Variants in KCNIP1 observed in about 807,000 individuals in gnomAD.
KCNIP1 encodes the protein potassium voltage-gated channel interacting protein 1, also known as A-type potassium channel modulatory protein KCNIP1.
KCNIP1 carries 18 observed loss-of-function variants against 33.0 expected under a neutral mutation model. The observed-to-expected ratio is 0.55, with a 90% CI of 0.38 to 0.81. KCNIP1 has a LOEUF of 0.81. Ranked by LOEUF, KCNIP1 falls within the 30% of genes least tolerant of loss-of-function variation. KCNIP1 has a pLI of 0.00. For missense variants in KCNIP1, 238 were observed against 271.6 expected (o/e 0.88, Z 0.87); for synonymous variants, 93 against 98.3 (o/e 0.95, Z 0.32).
At chr5:170,650,184 CA>C (rs779853926) in intron 1 of KCNIP1, among the ~76,000 whole-genome samples, 2 of 152,042 alleles carry the variant, frequency 1.3e-5, no homozygotes, top group Non-Finnish European at 2.9e-5. Flanking sequence ...AATTGAAATA[CA>C]AAAAAATTGT....
chr5:170,412,872 G>A (rs767280198), intron 1 of KCNIP1, among the ~76,000 whole-genome samples: 3 of 151,934 alleles, frequency 2.0e-5, no homozygotes, highest in Non-Finnish European at 1.5e-5. Flanking sequence ...ATTTTCTTCT[G>A]TAGCCCCACC....
At chr5:170,558,798 A>C (rs963913167) in intron 1 of KCNIP1, among the ~76,000 whole-genome samples, 1 of 152,226 alleles carries the variant, frequency 6.6e-6, no homozygotes, top group Admixed American at 6.5e-5. Flanking sequence ...TGACACAGAA[A>C]TCTAATACAA....
intron 1 of KCNIP1, among the ~76,000 whole-genome samples, chr5:170,647,555 A>T (rs1407569663): frequency 1.3e-5 from 2 of 152,060 alleles, no homozygotes; most frequent in African/African-American, 4.8e-5. Flanking sequence ...CAGTGCTAGA[A>T]CAACTGGCCA....
At chr5:170,603,343 A>T (rs1758773514) in intron 1 of KCNIP1, among the ~76,000 whole-genome samples, 1 of 152,076 alleles carries the variant, frequency 6.6e-6, no homozygotes, top group Non-Finnish European at 1.5e-5. Flanking sequence ...GCTGAAGGAA[A>T]AGCTTCCACT....
intron 1 of KCNIP1, among the ~76,000 whole-genome samples, chr5:170,456,709 C>CTT (rs1358847069): frequency 6.8e-6 from 1 of 147,204 alleles, no homozygotes; most frequent in Admixed American, 6.8e-5. Context: ...CTTTTTCTTT[C>CTT]TTTCTTTCTT....
rs141241101 is a variant in KCNIP1, at chr5:170,718,885, A to G, written c.186+3A>G. The G allele has an allele frequency of 4.1e-5, 66 of 1,610,226 alleles. No homozygotes were observed. The East Asian group carries it at 1.4e-3, about 35-fold the overall frequency. On this transcript the variant is annotated splice_donor_region_variant and intron_variant, in intron 2 of 7. Coordinates refer to ENST00000328939, the MANE Select transcript of KCNIP1 (RefSeq NM_014592.4). ...TCCTTTATCGAGGCTTCAAAAATGT[A>G]AGACCCGTGCACGCTCTGAAGGCCT...
chr5:170,685,432 G>A (rs765650775), intron 1 of KCNIP1, among the ~76,000 whole-genome samples: 1 of 148,512 alleles, frequency 6.7e-6, no homozygotes, highest in Non-Finnish European at 1.5e-5. Flanking sequence ...AGCCCAAAAG[G>A]CACACTAGAT....
chr5:170,468,777 T>C (rs901682444), intron 1 of KCNIP1, among the ~76,000 whole-genome samples: 3 of 151,776 alleles, frequency 2.0e-5, no homozygotes, highest in African/African-American at 7.3e-5. Context: ...CTTAGGAGAC[T>C]GAGATGGGAG....
chr5:170,433,286 G>A (rs950267247), intron 1 of KCNIP1, among the ~76,000 whole-genome samples: 2 of 152,004 alleles, frequency 1.3e-5, no homozygotes, highest in Non-Finnish European at 2.9e-5. Flanking sequence ...TCCTGGGTTC[G>A]GGCGATTCTC....
At chr5:170,466,457 T>C (rs763359923) in intron 1 of KCNIP1, among the ~76,000 whole-genome samples, 5 of 152,166 alleles carry the variant, frequency 3.3e-5, no homozygotes, top group African/African-American at 4.8e-5. Context: ...TTTAAATGGA[T>C]GGAATTTCCA....
At chr5:170,365,148 G>A (rs746667127) in intron 1 of KCNIP1, among the ~76,000 whole-genome samples, 6 of 152,086 alleles carry the variant, frequency 3.9e-5, no homozygotes, top group Non-Finnish European at 8.8e-5. Context: ...CCTACCACAT[G>A]GTAGGCCCTC....
chr5:170,668,424 G>T (rs1369860368), intron 1 of KCNIP1, among the ~76,000 whole-genome samples: 1 of 152,238 alleles, frequency 6.6e-6, no homozygotes, highest in African/African-American at 2.4e-5. Flanking sequence ...ACACAGGACA[G>T]GTGGCTTGCC....
chr5:170,367,349 AAAAGAAAGAAAGAAAGAAAGAAAG>A (rs57303478), intron 1 of KCNIP1, among the ~76,000 whole-genome samples: 168 of 76,944 alleles, frequency 2.2e-3, no homozygotes, highest in East Asian at 0.013. Flanking sequence ...GAAGGAAAGA[AAAAGAAAGAAAGAAAGAAAGAAAG>A]AAAGAAAGAA....
intron 1 of KCNIP1, chr5:170,642,070 GTTGGATTGTGACATCT>G (rs1178440062): frequency 6.6e-6 from 1 of 152,310 alleles, no homozygotes; most frequent in Admixed American, 6.5e-5. Context: ...CGTGTGGGAG[GTTGGATTGTGACATCT>G]TTGGAGGGCC....
At chr5:170,596,260 A>C (rs1758436783) in intron 1 of KCNIP1, among the ~76,000 whole-genome samples, 1 of 152,188 alleles carries the variant, frequency 6.6e-6, no homozygotes, top group African/African-American at 2.4e-5. Context: ...AAGTCAGCAC[A>C]TTTCTCTGTG....
chr5:170,493,357 G>T (rs948495912), intron 1 of KCNIP1, among the ~76,000 whole-genome samples: 8 of 152,140 alleles, frequency 5.3e-5, no homozygotes, highest in Admixed American at 1.3e-4. Context: ...TGAGATATTA[G>T]AAAGCACTTC....
intron 1 of KCNIP1, among the ~76,000 whole-genome samples, chr5:170,627,608 G>A (rs1581416114): frequency 6.6e-6 from 1 of 152,378 alleles, no homozygotes; most frequent in Middle Eastern, 3.4e-3. Context: ...GATGGCTCAT[G>A]GGTGACCCCC....
intron 1 of KCNIP1, among the ~76,000 whole-genome samples, chr5:170,643,389 C>CA (rs11385107): frequency 0.66 from 100,255 of 152,150 alleles, 34,459 homozygotes; most frequent in African/African-American, 0.86. Context: ...TTTATGACAG[C>CA]GCTATGAGAA....
chr5:170,666,040 T>C (rs1027655807), intron 1 of KCNIP1, among the ~76,000 whole-genome samples: 28 of 152,316 alleles, frequency 1.8e-4, no homozygotes, highest in Admixed American at 1.5e-3. Context: ...TCTTACACAC[T>C]GGGCTCTTTG....
Sources: gnomAD v4.1 joint callset for allele counts (sites outside exome capture counted in the v4.1 genomes callset) on GRCh38, gnomAD v4.1.1 for gene constraint, MANE v1.5 for transcripts, NCBI Gene and HGNC (gene_info 2026-07-23, HGNC 2026-07-21) for gene names.